The following KSR2 variants were observed in gnomAD, a reference collection of about 807,000 sequenced individuals.
KSR2 encodes kinase suppressor of ras 2.
Under a neutral mutation model 107.8 loss-of-function variants are expected in KSR2, and 25 were observed. That is an observed-to-expected ratio of 0.23 (90% CI 0.17 to 0.32). The LOEUF (loss-of-function observed/expected upper bound fraction) is 0.32, where lower values mean the gene tolerates loss of function less well. KSR2 is among the 10% of genes least tolerant of loss of function. The pLI is 1.00. For missense variants in KSR2, 887 were observed against 1,268.9 expected (o/e 0.70, Z 4.57); for synonymous variants, 480 against 507.0 (o/e 0.95, Z 0.71).
chr12:117,596,031 TC>T (rs1880621519), intron 5 of KSR2, among the ~76,000 whole-genome samples: 1 of 151,206 alleles, frequency 6.6e-6, no homozygotes, highest in African/African-American at 2.4e-5. Context: ...TTTCCTTCCC[TC>T]CCTCCCTTCC....
intron 5 of KSR2, among the ~76,000 whole-genome samples, chr12:117,614,420 C>G (rs1881764743): frequency 6.6e-6 from 1 of 152,140 alleles, no homozygotes; most frequent in Non-Finnish European, 1.5e-5. Flanking sequence ...TGGAAGGATA[C>G]AAATGAATAA....
intron 5 of KSR2, among the ~76,000 whole-genome samples, chr12:117,598,092 A>C (rs1880745076): frequency 1.3e-5 from 2 of 152,196 alleles, no homozygotes; most frequent in South Asian, 4.1e-4. Context: ...TCACCCAAGC[A>C]GTGGACATTG....
In KSR2 at chr12:117,761,327, C is replaced by T. The variant is rs765098621; in HGVS notation, c.670G>A (p.Val224Met). Reference sequence around the variant, plus strand: ...TAGGCGTCCACGGTAAGCCTGTCCACGTGGGTGTACACAGGGGCCCCGGGA... The same window carrying T: ...TAGGCGTCCACGGTAAGCCTGTCCATGTGGGTGTACACAGGGGCCCCGGGA... ...PTPGAPVYTH[V>M]DRLTVDAYPG... The change falls in exon 4 of 20, where the codon GTG (valine) becomes ATG (methionine). Residue 224 changes from valine to methionine, a missense_variant. Val to Met is a conservative substitution (Grantham distance 21). Coordinates refer to ENST00000339824, the MANE Select transcript of KSR2 (RefSeq NM_173598.6). The T allele has an allele frequency of 7.7e-6, 12 of 1,559,112 alleles. No homozygotes were observed. The East Asian group carries it at 2.3e-4, about 29-fold the overall frequency.
intron 16 of KSR2, among the ~76,000 whole-genome samples, chr12:117,477,668 G>A (rs1301541609): frequency 1.3e-5 from 2 of 152,196 alleles, no homozygotes; most frequent in African/African-American, 4.8e-5. Context: ...TAGACAGAAG[G>A]GGAAGTTAGG....
chr12:117,591,736 G>C (rs935839748), intron 5 of KSR2, among the ~76,000 whole-genome samples: 2 of 152,030 alleles, frequency 1.3e-5, no homozygotes, highest in African/African-American at 4.8e-5. Flanking sequence ...TGATGCAGTG[G>C]CTCACGTCCG....
intron 3 of KSR2, among the ~76,000 whole-genome samples, chr12:117,846,094 A>G (rs1210044845): frequency 2.0e-5 from 3 of 151,948 alleles, no homozygotes; most frequent in Admixed American, 6.6e-5. Flanking sequence ...CCTGCCCTAC[A>G]GATTTCAGAC....
intron 1 of KSR2, among the ~76,000 whole-genome samples, chr12:117,950,364 A>G (rs1896325330): frequency 6.6e-6 from 1 of 152,168 alleles, no homozygotes; most frequent in Non-Finnish European, 1.5e-5. Flanking sequence ...TAAAGCAAAT[A>G]TAGTAAAATG....
chr12:117,821,845 T>C (rs569066683), intron 3 of KSR2, among the ~76,000 whole-genome samples: 1 of 152,312 alleles, frequency 6.6e-6, no homozygotes, highest in Non-Finnish European at 1.5e-5. Flanking sequence ...TCAGAGGCGT[T>C]TGACCTAGAG....
rs538384855 is a variant in KSR2, at chr12:117,775,494, G to T, written c.473-13970C>A. ...TTCATTTAATTCTCATAACAATCTT[G>T]TGAGATTGAGAGGAAATTACAGCTC... On this transcript the variant is annotated intron_variant, in intron 3 of 19. Coordinates refer to ENST00000339824, the MANE Select transcript of KSR2 (RefSeq NM_173598.6). 2.6e-5 allele frequency among the ~76,000 whole-genome samples: 4 copies of T among 152,278 alleles called. No homozygotes were observed. The South Asian group carries it at 8.3e-4, about 32-fold the overall frequency.
At position 117,838,561 on chromosome 12, in the gene KSR2, C is replaced by T. The variant is rs140921743; in HGVS notation, c.472+16867G>A. On this transcript the variant is annotated intron_variant, in intron 3 of 19. Transcript: ENST00000339824. Reference sequence around the variant, plus strand: ...GCTGTGTGACCCTAGGCATCTCACCCTCTCTGGGCGTGTGCCTCCTTCCTG... The same window carrying T: ...GCTGTGTGACCCTAGGCATCTCACCTTCTCTGGGCGTGTGCCTCCTTCCTG... Among the ~76,000 whole-genome samples, 537 of 152,296 alleles carry T rather than the reference C, an allele frequency of 3.5e-3. 4 individuals carry two copies. Among genetic ancestry groups the T allele is most frequent in the African/African-American group, 0.013 (527 of 41,548 alleles).
chr12:117,648,080 C>T (rs548165485), intron 5 of KSR2, among the ~76,000 whole-genome samples: 1 of 152,216 alleles, frequency 6.6e-6, no homozygotes, highest in East Asian at 1.9e-4. Flanking sequence ...TATGGCAGGT[C>T]CAATGGTCAC....
chr12:117,950,784 A>G (rs1896342362), intron 1 of KSR2, among the ~76,000 whole-genome samples: 1 of 149,938 alleles, frequency 6.7e-6, no homozygotes, highest in African/African-American at 2.4e-5. Context: ...AATAATAATA[A>G]TAAAAGTAAA....
At chr12:117,653,712 C>T (rs1883998257) in intron 5 of KSR2, among the ~76,000 whole-genome samples, 1 of 152,218 alleles carries the variant, frequency 6.6e-6, no homozygotes, top group Admixed American at 6.5e-5. Flanking sequence ...CTGTATTTGG[C>T]CCCTCCTACA....
intron 4 of KSR2, among the ~76,000 whole-genome samples, chr12:117,671,508 T>C (rs1184614005): frequency 1.3e-5 from 2 of 152,208 alleles, no homozygotes; most frequent in Non-Finnish European, 2.9e-5. Context: ...GCCTGGCACA[T>C]AGTAGGTGCT....
intron 1 of KSR2, among the ~76,000 whole-genome samples, chr12:117,938,253 T>A (rs1029539767): frequency 1.3e-5 from 2 of 152,174 alleles, no homozygotes; most frequent in African/African-American, 4.8e-5. Flanking sequence ...CATCATTATT[T>A]CCACACATGC....
rs969117375 is a variant in KSR2, at chr12:117,463,158, C to T, written c.*4041G>A. 6.6e-6 allele frequency: 1 copy of T among 152,256 alleles called. No individual in the cohort carries two copies. Among genetic ancestry groups the T allele is most frequent in the Non-Finnish European group, 1.5e-5 (1 of 68,074 alleles). The allele number at this position is 152,256 out of a possible 1,614,324, so 9.4% of individuals were successfully genotyped here. On this transcript the variant is annotated 3_prime_UTR_variant, in exon 20 of 20. Transcript: ENST00000339824. ...CAGGGAGTTGGTCCAGCCTTCAGGG[C>T]CTGAATTGCCTCCATATCACACAGG...
intron 4 of KSR2, among the ~76,000 whole-genome samples, chr12:117,712,833 C>T (rs897835900): frequency 6.6e-6 from 1 of 151,778 alleles, no homozygotes; most frequent in African/African-American, 2.4e-5. Flanking sequence ...AGATAGCTAC[C>T]TAGGTAAATA....
intron 3 of KSR2, among the ~76,000 whole-genome samples, chr12:117,764,485 C>T (rs779877269): frequency 3.8e-4 from 58 of 152,124 alleles, no homozygotes; most frequent in Non-Finnish European, 7.8e-4. Flanking sequence ...ACTTCGGCCA[C>T]CTCAACAAGC....
rs137998955 is a variant in KSR2 at position 117,894,925 on chromosome 12, G to T, written c.181-34494C>A. On this transcript the variant is annotated intron_variant, in intron 1 of 19. Coordinates refer to ENST00000339824, the MANE Select transcript of KSR2 (RefSeq NM_173598.6). Reference sequence around the variant, plus strand: ...ACCCAGTCTCAGGTATGTAATTATAGCAGTGTGAGAATGGACTAATATCCC... The same window carrying T: ...ACCCAGTCTCAGGTATGTAATTATATCAGTGTGAGAATGGACTAATATCCC... 2.2e-4 allele frequency among the ~76,000 whole-genome samples: 34 copies of T among 151,900 alleles called. No individual in the cohort carries two copies. In the East Asian group the frequency reaches 2.9e-3, roughly 13 times the overall value.
Sources: allele counts gnomAD v4.1 joint callset (sites outside exome capture counted in the v4.1 genomes callset), GRCh38; gene constraint gnomAD v4.1.1; transcripts MANE v1.5; gene names NCBI Gene and HGNC (gene_info 2026-07-23, HGNC 2026-07-21).